The following SLC7A8 variants were observed in gnomAD, a reference collection of about 807,000 sequenced individuals.
SLC7A8 encodes the protein large neutral amino acids transporter small subunit 2.
SLC7A8 carries 30 observed loss-of-function variants against 51.2 expected under a neutral mutation model. The ratio of observed to expected loss-of-function variants is 0.59; its 90% CI spans 0.44 to 0.80. The LOEUF (loss-of-function observed/expected upper bound fraction) is 0.80, where lower values mean the gene tolerates loss of function less well. Ranked by LOEUF, SLC7A8 falls within the 30% of genes least tolerant of loss-of-function variation. The pLI is 0.00. For missense variants in SLC7A8, 612 were observed against 674.4 expected (o/e 0.91, Z 1.03); for synonymous variants, 257 against 275.8 (o/e 0.93, Z 0.67).
intron 3 of SLC7A8, among the ~76,000 whole-genome samples, chr14:23,149,732 CA>C (rs2048830105): frequency 6.6e-6 from 1 of 152,190 alleles, no homozygotes; most frequent in Non-Finnish European, 1.5e-5. Flanking sequence ...AACCCTAAAT[CA>C]ATATACAGTC....
intron 1 of SLC7A8, among the ~76,000 whole-genome samples, chr14:23,179,486 G>A (rs542416536): frequency 2.6e-5 from 4 of 150,962 alleles, no homozygotes; most frequent in Non-Finnish European, 2.9e-5. Context: ...TAGGGCAAAT[G>A]TAACTTTGCC....
intron 3 of SLC7A8, chr14:23,154,353 A>C (rs2048872832): frequency 2.0e-6 from 2 of 999,918 alleles, no homozygotes; most frequent in Admixed American, 1.2e-4. Context: ...GGGGTGAGGC[A>C]TGTCCCTCCC....
At chr14:23,146,251 A>G (rs2048792838) in intron 3 of SLC7A8, among the ~76,000 whole-genome samples, 1 of 152,224 alleles carries the variant, frequency 6.6e-6, no homozygotes, top group Non-Finnish European at 1.5e-5. Flanking sequence ...GGATTACACA[A>G]CAAGGAACTG....
intron 1 of SLC7A8, among the ~76,000 whole-genome samples, chr14:23,178,885 CAA>C (rs386380884): frequency 0.086 from 6,783 of 78,586 alleles, 179 homozygotes; most frequent in South Asian, 0.26. Flanking sequence ...ATCTTGTCTC[CAA>C]AAAAAAAAAA....
rs1312863274 is a variant in SLC7A8 at position 23,126,622 on chromosome 14, AG to A, written c.*554del. On this transcript the variant is annotated 3_prime_UTR_variant, in exon 11 of 11. Coordinates refer to ENST00000316902, the MANE Select transcript of SLC7A8 (RefSeq NM_012244.4). The stretch of plus-strand genomic sequence containing the variant: ...TCCTGAGGAGAACCGAATTCTGGAC[AG>A]GGAGCCCTGGCTGGGGTGGGTGCAG... The A allele has an allele frequency of 2.6e-5, 4 of 154,340 alleles. No homozygotes were observed. The highest frequency in any genetic ancestry group is 1.3e-4 in the Admixed American group (2 of 15,536). The allele number at this position is 154,340 out of a possible 1,614,324, so 9.6% of individuals were successfully genotyped here.
At chr14:23,171,935 T>G (rs8011360) in intron 1 of SLC7A8, among the ~76,000 whole-genome samples, 151,590 of 152,334 alleles carry the variant, frequency 1, 75,429 homozygotes, top group Middle Eastern at 1. Context: ...GATGTGGAAG[T>G]CACTGCAGAA....
At chr14:23,175,505 G>A (rs1164258304) in intron 1 of SLC7A8, among the ~76,000 whole-genome samples, 2 of 152,130 alleles carry the variant, frequency 1.3e-5, no homozygotes, top group African/African-American at 4.8e-5. Flanking sequence ...CACCGCACCC[G>A]GCCGGTACAG....
intron 7 of SLC7A8, among the ~76,000 whole-genome samples, chr14:23,137,580 G>T (rs1036215711): frequency 2.6e-5 from 4 of 152,202 alleles, no homozygotes; most frequent in Non-Finnish European, 5.9e-5. Context: ...CTGCAGCCAA[G>T]ATACTGCCTT....
intron 1 of SLC7A8, among the ~76,000 whole-genome samples, chr14:23,172,745 G>A (rs748650496): frequency 1.7e-4 from 26 of 152,182 alleles, no homozygotes; most frequent in Non-Finnish European, 2.6e-4. Context: ...CCAGCACCTC[G>A]TGTGCAGAGG....
chr14:23,155,071 T>G, intron 3 of SLC7A8: 2 of 1,079,522 alleles, frequency 1.9e-6, no homozygotes, highest in Non-Finnish European at 2.6e-6. Flanking sequence ...TTCTATAAAG[T>G]GCACAGTGGG....
chr14:23,155,286 G>A (rs925303581), intron 3 of SLC7A8: 1 of 1,535,782 alleles, frequency 6.5e-7, no homozygotes, highest in Non-Finnish European at 8.7e-7. Context: ...AGCTGTGAGG[G>A]CTGTGAGTGC....
At chr14:23,131,280 T>C (rs1375054653) in intron 8 of SLC7A8, among the ~76,000 whole-genome samples, 181 bp downstream of exon 8, 1 of 152,240 alleles carries the variant, frequency 6.6e-6, no homozygotes, top group Non-Finnish European at 1.5e-5. Context: ...CTTTCCTTGC[T>C]ATATCTCTTG....
intron 3 of SLC7A8, among the ~76,000 whole-genome samples, chr14:23,159,392 T>C (rs1241393440): frequency 1.3e-5 from 2 of 152,150 alleles, no homozygotes; most frequent in Non-Finnish European, 2.9e-5. Flanking sequence ...CAGAGAAAAA[T>C]GGAGTCTTGG....
At chr14:23,171,064 T>C (rs1328677327) in intron 1 of SLC7A8, among the ~76,000 whole-genome samples, 1 of 152,172 alleles carries the variant, frequency 6.6e-6, no homozygotes, top group Non-Finnish European at 1.5e-5. Flanking sequence ...GGAAGAAAGT[T>C]GATTACTGTG....
chr14:23,156,020 T>C (rs1451657017), intron 3 of SLC7A8, among the ~76,000 whole-genome samples: 1 of 150,816 alleles, frequency 6.6e-6, no homozygotes, highest in African/African-American at 2.5e-5. Context: ...TTTTTTGAGA[T>C]GGAGTTTCGC....
chr14:23,164,556 A>G (rs964620338), intron 3 of SLC7A8, among the ~76,000 whole-genome samples: 1 of 152,242 alleles, frequency 6.6e-6, no homozygotes, highest in South Asian at 2.1e-4. Context: ...CGTAATGTCA[A>G]GAACCCTGCC....
chr14:23,125,593 T>C lies in SLC7A8; in HGVS notation c.*1584A>G, dbSNP rs1435855088. On this transcript the variant is annotated 3_prime_UTR_variant, in exon 11 of 11. Transcript: ENST00000316902. ...GACCCTCCAGGGGCCAACCCCAGCC[T>C]GCCGGGCATCTACTCTGAAGGGGTC... 2 of 152,578 alleles carry C rather than the reference T, an allele frequency of 1.3e-5. No individual in the cohort carries two copies. Among genetic ancestry groups the C allele is most frequent in the African/African-American group, 4.8e-5 (2 of 41,430 alleles). 9.5% of individuals were successfully genotyped at this position (152,578 alleles called of 1,614,324 possible).
intron 1 of SLC7A8, among the ~76,000 whole-genome samples, chr14:23,177,447 C>T (rs867653286): frequency 1.3e-5 from 2 of 152,220 alleles, no homozygotes; most frequent in Admixed American, 6.5e-5. Context: ...AAATCTTCTT[C>T]GACCATGAGG....
rs867171355 is a variant in SLC7A8 at position 23,161,994 on chromosome 14, G to C, written c.508+3291C>G. On this transcript the variant is annotated intron_variant, in intron 3 of 10. Coordinates refer to ENST00000316902, the MANE Select transcript of SLC7A8 (RefSeq NM_012244.4). ...CTTGGTTCTTGTTTTACTGAATACC[G>C]TATGAGAGGATTGGATGCTTATCTG... Among the ~76,000 whole-genome samples, 3 of 146,078 alleles carry C rather than the reference G, an allele frequency of 2.1e-5. No homozygotes were observed. In the East Asian group the frequency reaches 5.9e-4, roughly 29 times the overall value.
Sources: allele counts gnomAD v4.1 joint callset (sites outside exome capture counted in the v4.1 genomes callset), GRCh38; gene constraint gnomAD v4.1.1; transcripts MANE v1.5; gene names NCBI Gene and HGNC (gene_info 2026-07-23, HGNC 2026-07-21).